PLTP: variants seen among roughly 807,000 people sequenced by gnomAD.
PLTP encodes phospholipid transfer protein.
PLTP carries 43 observed loss-of-function variants against 54.1 expected under a neutral mutation model. That is an observed-to-expected ratio of 0.79 (90% confidence interval 0.62 to 1.02). The LOEUF (loss-of-function observed/expected upper bound fraction) is 1.02, where lower values mean the gene tolerates loss of function less well. PLTP is among the 50% of genes least tolerant of loss of function. The pLI, the probability that PLTP is intolerant of heterozygous loss-of-function variation, is 0.00. For missense variants in PLTP, 604 were observed against 645.9 expected (o/e 0.94, Z 0.70); for synonymous variants, 263 against 264.6 (o/e 0.99, Z 0.06).
In PLTP at chr20:45,898,981, C is replaced by T. The variant is rs1355391473; in HGVS notation, c.1442G>A (p.Arg481Lys). Residue 481 changes from arginine (R) to lysine (K), a missense_variant, in exon 16 of 16, where the codon AGG becomes AAG. Arg to Lys is a conservative substitution (Grantham distance 26, BLOSUM62 2). Coordinates refer to ENST00000372431, the MANE Select transcript of PLTP (RefSeq NM_006227.4). This position sits in a 1 kb window ranked among gnomAD's most constrained non-coding sequence, Gnocchi z 4.6. ...GGACGGTGTGGGGGCAGTGGACGCC[C>T]TGACATCAGCAGGCCGGTTCTTCTC... Reference protein sequence around the residue: ...VIEKNRPADVRASTAPTPSTA... With the variant: ...VIEKNRPADVKASTAPTPSTA... The T allele has an allele frequency of 6.2e-7, 1 of 1,613,978 alleles. No individual in the cohort carries two copies. The highest frequency in any genetic ancestry group is 1.3e-5 in the African/African-American group (1 of 74,874).
intron 10 of PLTP, among the ~76,000 whole-genome samples, chr20:45,903,520 G>A (rs756584258): frequency 5.3e-5 from 8 of 151,670 alleles, no homozygotes; most frequent in African/African-American, 7.3e-5. Flanking sequence ...GTGAGCCACC[G>A]TGCCTGGCCA....
At chr20:45,903,883 G>C (rs534483037) in intron 10 of PLTP, among the ~76,000 whole-genome samples, 1 of 152,090 alleles carries the variant, frequency 6.6e-6, no homozygotes, top group East Asian at 1.9e-4. Flanking sequence ...TTTTTCAATA[G>C]AGACAGTGTC....
rs138504134 is a variant in PLTP, at chr20:45,904,835, G to A, written c.907C>T (p.Leu303=). Residue 303 remains leucine, a synonymous_variant, in exon 10 of 16, where the codon CTG becomes TTG. Coordinates refer to ENST00000372431, the MANE Select transcript of PLTP (RefSeq NM_006227.4). ...ATGCTCCCAAAGTAGGTGGCCCTCA[G>A]CAGCATGTCCAGGTCGTGGGGCACC... ...DKVPHDLDML[L]RATYFGSIVL... The A allele has an allele frequency of 1.5e-4, 242 of 1,614,240 alleles. No homozygotes were observed. Among genetic ancestry groups the A allele is most frequent in the Non-Finnish European group, 1.9e-5 (23 of 1,180,052 alleles).
In PLTP at chr20:45,905,737, G is replaced by A. The variant is rs572564862; in HGVS notation, c.705+531C>T. On this transcript the variant is annotated intron_variant, in intron 8 of 15. Transcript: ENST00000372431. ...ATTACAGGCATGAGCCACTGCACCCGACTGATTCTAGCTCCCGAGTCTGCA... is the reference window on the plus strand; with the variant it reads ...ATTACAGGCATGAGCCACTGCACCCAACTGATTCTAGCTCCCGAGTCTGCA... Among the ~76,000 whole-genome samples, 5 of 152,320 alleles carry A rather than the reference G, an allele frequency of 3.3e-5. No individual in the cohort carries two copies. In the East Asian group the frequency reaches 5.8e-4, roughly 18 times the overall value.
intron 10 of PLTP, among the ~76,000 whole-genome samples, chr20:45,903,378 G>GT (rs950200251): frequency 1.2e-4 from 18 of 152,082 alleles, no homozygotes; most frequent in Non-Finnish European, 1.5e-4. Context: ...TTTTGTATTT[G>GT]TTTTTTGTTT....
At chr20:45,899,937 C>CTGGGTGGCCTGAGG in intron 12 of PLTP, 59 bp from the exon 13 acceptor site, 1 of 1,449,004 alleles carries the variant, frequency 6.9e-7, no homozygotes, top group Non-Finnish European at 9.5e-7. Context: ...TTCCTCAGGC[C>CTGGGTGGCCTGAGG]ACCCAGGCCT....
intron 10 of PLTP, among the ~76,000 whole-genome samples, chr20:45,903,566 T>C (rs1391051063): frequency 1.3e-5 from 2 of 152,170 alleles, no homozygotes; most frequent in East Asian, 3.9e-4. Flanking sequence ...CCTTCTTCTA[T>C]AGGCAGTGAA....
intron 3 of PLTP, 119 bp downstream of exon 3, chr20:45,911,033 C>G: frequency 1.2e-6 from 2 of 1,603,452 alleles, no homozygotes; most frequent in South Asian, 2.2e-5. Flanking sequence ...CTTGCCTCAT[C>G]GATTTGGCCA....
At chr20:45,900,177 C>T (rs1421566880) in intron 12 of PLTP, among the ~76,000 whole-genome samples, 2 of 134,660 alleles carry the variant, frequency 1.5e-5, no homozygotes, top group Admixed American at 8.5e-5. Flanking sequence ...GGCGCGATCT[C>T]GGCTCACTGC....
chr20:45,911,602 TCC>T (rs2083294818), intron 1 of PLTP, 139 bp from the exon 2 acceptor site: 1 of 1,164,058 alleles, frequency 8.6e-7, no homozygotes, highest in Admixed American at 2.2e-5. Flanking sequence ...TAATCTTGCC[TCC>T]ATATGGCAGA....
chr20:45,906,325 G>C lies in PLTP; in HGVS notation c.648C>G (p.Asp216Glu). ...CCACAGGATCCTTCATGAGGGAATA[G>C]TCAATGCCAACAAGCTCGTCCACAG... ...RSSVDELVGI[D>E]YSLMKDPVAS... The change falls in exon 8 of 16, where the codon GAC (aspartate) becomes GAG (glutamate). Residue 216 changes from aspartate to glutamate, a missense_variant. By Grantham distance (45) the Asp-to-Glu change is conservative. Coordinates refer to ENST00000372431, the MANE Select transcript of PLTP (RefSeq NM_006227.4). 1 of 1,613,988 alleles carries C rather than the reference G, an allele frequency of 6.2e-7. No individual in the cohort carries two copies. The highest frequency in any genetic ancestry group is 1.3e-5 in the African/African-American group (1 of 75,024).
intron 12 of PLTP, 34 bp from the exon 13 acceptor site, chr20:45,899,912 G>A (rs2083164712): frequency 1.3e-6 from 2 of 1,545,296 alleles, no homozygotes; most frequent in Admixed American, 2.0e-5. Flanking sequence ...TGGGCAGGAA[G>A]CCTGGAAGCT....
chr20:45,908,280 C>A (rs1357305761), intron 5 of PLTP, among the ~76,000 whole-genome samples: 1 of 152,152 alleles, frequency 6.6e-6, no homozygotes, highest in African/African-American at 2.4e-5. Context: ...TTCCCCTCCT[C>A]TGAATCCCCA....
In PLTP at chr20:45,907,923, C is replaced by A. The variant is rs770285811; in HGVS notation, c.486-19G>T. The A allele has an allele frequency of 3.8e-5, 59 of 1,561,208 alleles. No homozygotes were observed. Among genetic ancestry groups the A allele is most frequent in the Non-Finnish European group, 4.9e-5 (57 of 1,151,948 alleles). On this transcript the variant is annotated intron_variant, in intron 5 of 15. Transcript: ENST00000372431. ...CACCTTCCTGTGAGGAGAGGAGAGG[C>A]CGGATGAGCCCAGAACCTGCCTCCA...
At chr20:45,908,037 G>A (rs773753421) in intron 5 of PLTP, 133 bp from the exon 6 acceptor site, 39 of 827,048 alleles carry the variant, frequency 4.7e-5, no homozygotes, top group Non-Finnish European at 6.2e-5. Context: ...GCTCCTCCAC[G>A]TAGGTTTTCC....
chr20:45,903,591 T>C (rs1319238748), intron 10 of PLTP, among the ~76,000 whole-genome samples: 1 of 152,204 alleles, frequency 6.6e-6, no homozygotes, highest in Non-Finnish European at 1.5e-5. Flanking sequence ...TACTATAAGA[T>C]GCAACTGCCT....
intron 4 of PLTP, 29 bp from the exon 5 acceptor site, chr20:45,909,700 G>A: frequency 6.2e-7 from 1 of 1,613,420 alleles, no homozygotes; most frequent in Non-Finnish European, 8.5e-7. Flanking sequence ...TTCACTCCAG[G>A]TAGGAGCTCA....
chr20:45,902,171 G>A (rs1036829501), intron 12 of PLTP, 96 bp downstream of exon 12: 22 of 1,286,922 alleles, frequency 1.7e-5, no homozygotes, highest in South Asian at 1.6e-4. Flanking sequence ...AGCTCTCAGT[G>A]GCTTACAGGT....
intron 12 of PLTP, among the ~76,000 whole-genome samples, chr20:45,901,488 G>A (rs2083183578): frequency 6.6e-6 from 1 of 152,182 alleles, no homozygotes; most frequent in Non-Finnish European, 1.5e-5. Context: ...CAGTTACTCG[G>A]GAGGCTGAGG....
Sources: allele counts gnomAD v4.1 joint callset (sites outside exome capture counted in the v4.1 genomes callset), GRCh38; gene constraint gnomAD v4.1.1; non-coding constraint Gnocchi (gnomAD v3.1); transcripts MANE v1.5; gene names NCBI Gene and HGNC (gene_info 2026-07-23, HGNC 2026-07-21).